Variants in MAF observed in about 807,000 individuals in gnomAD.
The protein encoded by MAF is MAF bZIP transcription factor, also known as transcription factor Maf.
In MAF, 10 loss-of-function variants were observed where a neutral mutation model predicts 22.0. The ratio of observed to expected loss-of-function variants is 0.45; its 90% CI spans 0.28 to 0.77. The LOEUF (loss-of-function observed/expected upper bound fraction) is 0.77. Ranked by LOEUF, MAF falls within the 30% of genes least tolerant of loss-of-function variation. The pLI is 0.12. For synonymous variants in MAF, 337 were observed against 255.8 expected (o/e 1.32, Z -3.03); for missense variants, 544 against 548.4 (o/e 0.99, Z 0.08).
At chr16:79,409,280 G>A in the MAF span, among the ~76,000 whole-genome samples, 1 of 152,270 alleles carries the variant, frequency 6.6e-6, no homozygotes, top group East Asian at 1.9e-4. Context: ...AACTGAGTCA[G>A]CGATCCAAAC....
At chr16:79,447,391 G>C in the MAF span, among the ~76,000 whole-genome samples, 2 of 151,882 alleles carry the variant, frequency 1.3e-5, no homozygotes, top group South Asian at 2.1e-4. Context: ...CAATGCACCT[G>C]GTCATTCAAG....
chr16:79,552,951 G>A, the MAF span, among the ~76,000 whole-genome samples: 8 of 152,168 alleles, frequency 5.3e-5, no homozygotes, highest in Non-Finnish European at 1.2e-4. Flanking sequence ...AGGAAGCTGT[G>A]ACCAGGGCCT....
At chr16:79,252,532 C>A in the MAF span, among the ~76,000 whole-genome samples, 1 of 152,112 alleles carries the variant, frequency 6.6e-6, no homozygotes, top group Non-Finnish European at 1.5e-5. Context: ...CTCTGTCACC[C>A]AAGCTGGAGT....
At chr16:79,589,158 C>A (rs528983797), downstream of MAF, among the ~76,000 whole-genome samples, 2 of 152,112 alleles carry the variant, frequency 1.3e-5, no homozygotes, top group Non-Finnish European at 2.9e-5. Context: ...AACCGAGGGT[C>A]CCTCTAAGAA....
chr16:79,313,317 G>A, the MAF span, among the ~76,000 whole-genome samples: 4 of 152,078 alleles, frequency 2.6e-5, no homozygotes, highest in South Asian at 2.1e-4. Flanking sequence ...CCTGAAGAAC[G>A]GCACACAGGA....
the MAF span, among the ~76,000 whole-genome samples, chr16:79,430,665 G>T: frequency 1.3e-5 from 2 of 152,202 alleles, no homozygotes; most frequent in Non-Finnish European, 2.9e-5. Flanking sequence ...TGGCAGGGGA[G>T]AGGGTGCCTT....
the MAF span, among the ~76,000 whole-genome samples, chr16:79,292,057 A>G: frequency 6.6e-6 from 1 of 152,072 alleles, no homozygotes; most frequent in Non-Finnish European, 1.5e-5. Context: ...TATATACCCT[A>G]GAACATTCTC....
intron 1 of MAF, chr16:79,597,405 CT>C (rs769085244): frequency 2.6e-5 from 27 of 1,031,480 alleles, no homozygotes; most frequent in Non-Finnish European, 2.9e-5. Context: ...GGGGCAGTTT[CT>C]CTTTTTAAAA....
the MAF span, among the ~76,000 whole-genome samples, chr16:79,491,462 G>C: frequency 3.3e-5 from 5 of 152,072 alleles, no homozygotes; most frequent in African/African-American, 7.2e-5. Context: ...AGCCAGCTTC[G>C]CAGTCTCGAG....
chr16:79,399,641 G>A, the MAF span, among the ~76,000 whole-genome samples: 1 of 152,064 alleles, frequency 6.6e-6, no homozygotes, highest in African/African-American at 2.4e-5. Context: ...GATAGAAGAG[G>A]GTAGAAAGAA....
At chr16:79,326,906 A>G in the MAF span, among the ~76,000 whole-genome samples, 113,891 of 152,060 alleles carry the variant, frequency 0.75, 43,159 homozygotes, top group East Asian at 0.99. Flanking sequence ...ATTTTCAGAA[A>G]AGAGAAACGC....
chr16:79,350,462 A>G, the MAF span, among the ~76,000 whole-genome samples: 1 of 152,264 alleles, frequency 6.6e-6, no homozygotes, highest in East Asian at 1.9e-4. Context: ...TTGTCCACCA[A>G]ATCATTTTCT....
chr16:79,335,516 G>C, the MAF span, among the ~76,000 whole-genome samples: 1 of 152,176 alleles, frequency 6.6e-6, no homozygotes, highest in Non-Finnish European at 1.5e-5. Flanking sequence ...CTACAGAAAT[G>C]GCATGGGTAG....
the MAF span, among the ~76,000 whole-genome samples, chr16:79,291,567 C>G: frequency 1.3e-5 from 2 of 151,410 alleles, no homozygotes; most frequent in Admixed American, 6.6e-5. Flanking sequence ...TAAGTTTCCT[C>G]CTCTGAACCT....
the MAF span, among the ~76,000 whole-genome samples, chr16:79,335,320 T>C: frequency 6.6e-6 from 1 of 152,200 alleles, no homozygotes; most frequent in East Asian, 1.9e-4. Flanking sequence ...AATTTCTATT[T>C]GACTTAACTG....
the MAF span, among the ~76,000 whole-genome samples, chr16:79,375,277 A>G: frequency 6.6e-6 from 1 of 152,218 alleles, no homozygotes; most frequent in Admixed American, 6.5e-5. Flanking sequence ...CCTACATAAA[A>G]GGGTTCAAGG....
At chr16:79,284,769 G>T in the MAF span, among the ~76,000 whole-genome samples, 87,260 of 151,878 alleles carry the variant, frequency 0.57, 25,697 homozygotes, top group Admixed American at 0.66. Flanking sequence ...GGGGAAATCT[G>T]GGCACTATGA....
chr16:79,243,754 A>G, the MAF span, among the ~76,000 whole-genome samples: 1 of 152,024 alleles, frequency 6.6e-6, no homozygotes, highest in Non-Finnish European at 1.5e-5. Flanking sequence ...CCTGGCAGAG[A>G]CACAACAAAA....
At chr16:79,577,256 A>G in the MAF span, among the ~76,000 whole-genome samples, 10 of 152,224 alleles carry the variant, frequency 6.6e-5, no homozygotes, top group East Asian at 9.7e-4. Context: ...CTACTGAGAA[A>G]AAGATGACAA....
Sources: gnomAD v4.1 joint callset for allele counts (sites outside exome capture counted in the v4.1 genomes callset) on GRCh38, gnomAD v4.1.1 for gene constraint, MANE v1.5 for transcripts, NCBI Gene and HGNC (gene_info 2026-07-23, HGNC 2026-07-21) for gene names.